Variants in TOR1AIP1 observed in about 807,000 individuals in gnomAD.
TOR1AIP1 encodes the protein torsin-1A-interacting protein 1.
In TOR1AIP1, 54 loss-of-function variants were observed where a neutral mutation model predicts 63.3. That is an observed-to-expected ratio of 0.85 (90% CI 0.69 to 1.07). TOR1AIP1 has a LOEUF of 1.07. Ranked by LOEUF, TOR1AIP1 falls within the 50% of genes least tolerant of loss-of-function variation. The probability of loss-of-function intolerance (pLI) is 0.00; values close to 1 mark genes in which losing one functional copy is unlikely to be tolerated. For missense variants in TOR1AIP1, 736 were observed against 715.0 expected, an observed-to-expected ratio of 1.03 and a Z score of -0.33; for synonymous variants, 294 against 273.5, an observed-to-expected ratio of 1.07 and a Z score of -0.74.
chr1:179,882,918 C>T lies in TOR1AIP1; in HGVS notation c.416C>T (p.Pro139Leu), dbSNP rs777161352. ...CAGCAGCAGCACTCAGAGCAGCCTC[C>T]GCTACAGCCGTCTCCTGTTATGACC... ...RLQQQHSEQP[P>L]LQPSPVMTRR... The change falls in exon 1 of 10, where the codon CCG becomes CTG. Residue 139 changes from proline (P) to leucine (L), a missense_variant. Physicochemically the swap from Pro to Leu is moderately conservative, Grantham distance 98. Coordinates refer to ENST00000606911, the MANE Select transcript of TOR1AIP1 (RefSeq NM_015602.4). 1.2e-6 allele frequency: 2 copies of T among 1,613,960 alleles called. No individual in the cohort carries two copies. Among genetic ancestry groups the T allele is most frequent in the East Asian group, 2.2e-5 (1 of 44,880 alleles).
intron 2 of TOR1AIP1, among the ~76,000 whole-genome samples, chr1:179,888,677 A>G (rs951047202): frequency 6.6e-6 from 1 of 150,596 alleles, no homozygotes; most frequent in African/African-American, 2.4e-5. Flanking sequence ...TTTGATAAAT[A>G]TTTGGTTTTA....
At chr1:179,883,851 C>G (rs1031348097) in intron 1 of TOR1AIP1, 18 of 325,862 alleles carry the variant, frequency 5.5e-5, no homozygotes, top group Admixed American at 4.0e-5. Flanking sequence ...GGACCTAACA[C>G]TGAGTCACAG....
chr1:179,905,267 C>T (rs1350881146), intron 6 of TOR1AIP1, among the ~76,000 whole-genome samples: 1 of 151,816 alleles, frequency 6.6e-6, no homozygotes, highest in African/African-American at 2.4e-5. Flanking sequence ...CCCAGCTACT[C>T]GGGAGGCTGA....
intron 3 of TOR1AIP1, among the ~76,000 whole-genome samples, chr1:179,899,153 T>C (rs1648371623): frequency 6.6e-6 from 1 of 152,228 alleles, no homozygotes; most frequent in Non-Finnish European, 1.5e-5. Flanking sequence ...GCTGAAATTT[T>C]CTCAGCTTTG....
At chr1:179,890,093 A>G (rs1648022837) in intron 3 of TOR1AIP1, among the ~76,000 whole-genome samples, 1 of 152,188 alleles carries the variant, frequency 6.6e-6, no homozygotes, top group Non-Finnish European at 1.5e-5. Flanking sequence ...AACTATGGTC[A>G]GGGACTTTAT....
intron 3 of TOR1AIP1, among the ~76,000 whole-genome samples, chr1:179,892,459 G>GTAAA (rs1205636403): frequency 4.7e-5 from 7 of 150,182 alleles, no homozygotes; most frequent in African/African-American, 1.7e-4. Context: ...GGCAAAAAGA[G>GTAAA]TAAAACTCTG....
chr1:179,884,791 T>G (rs570186785), intron 2 of TOR1AIP1, 22 bp downstream of exon 2: 1 of 1,565,520 alleles, frequency 6.4e-7, no homozygotes, highest in Admixed American at 1.9e-5. Context: ...TAACTTTTTG[T>G]TTTTCTCCTT....
At chr1:179,912,035 T>C (rs1436262463) in intron 8 of TOR1AIP1, among the ~76,000 whole-genome samples, 2 of 148,362 alleles carry the variant, frequency 1.3e-5, no homozygotes, top group Non-Finnish European at 3.0e-5. Flanking sequence ...TTTTCTTTTT[T>C]CTTTTTTTTG....
In TOR1AIP1 at chr1:179,892,582, C is replaced by CA. The variant is rs548595071; in HGVS notation, c.610+3219dup. The stretch of plus-strand genomic sequence containing the variant: ...GAAACCCCGTCTCTACTAAAAAGTA[C>CA]AAAAAATTAGCCGGGCATCGTGGCG... On this transcript the variant is annotated intron_variant, in intron 3 of 9. Coordinates refer to ENST00000606911, the MANE Select transcript of TOR1AIP1 (RefSeq NM_015602.4). 2.0e-3 allele frequency among the ~76,000 whole-genome samples: 296 copies of CA among 151,598 alleles called. 3 individuals are homozygous for CA. The highest frequency in any genetic ancestry group is 6.8e-3 in the Middle Eastern group (2 of 292).
chr1:179,911,965 T>A (rs1648848889), intron 8 of TOR1AIP1, among the ~76,000 whole-genome samples: 1 of 150,484 alleles, frequency 6.6e-6, no homozygotes, highest in Admixed American at 6.6e-5. Context: ...AGCTTGAGTT[T>A]TTTCTTTTTC....
intron 2 of TOR1AIP1, among the ~76,000 whole-genome samples, chr1:179,886,361 A>G (rs1480903662): frequency 6.6e-5 from 10 of 152,222 alleles, no homozygotes; most frequent in Non-Finnish European, 1.5e-5. Flanking sequence ...TATTAGGCTC[A>G]TATTTAAGAA....
At chr1:179,888,573 A>G (rs1043748904) in intron 2 of TOR1AIP1, among the ~76,000 whole-genome samples, 2 of 152,266 alleles carry the variant, frequency 1.3e-5, no homozygotes, top group African/African-American at 4.8e-5. Flanking sequence ...TAAGGGGATC[A>G]TCAAAGTTCC....
chr1:179,882,356 C>G lies in TOR1AIP1; in HGVS notation c.-147C>G, dbSNP rs1160147816. 1.3e-6 allele frequency: 1 copy of G among 756,212 alleles called. No individual in the cohort carries two copies. The highest frequency in any genetic ancestry group is 1.9e-6 in the Non-Finnish European group (1 of 518,720). 46.8% of individuals were successfully genotyped at this position (756,212 alleles called of 1,614,324 possible). ...GGTTTGCTACACAGCAGCGACGACG[C>G]AGGCGGCGGCCCCAGCGACTCGCAA... On this transcript the variant is annotated 5_prime_UTR_variant, in exon 1 of 10. Coordinates refer to ENST00000606911, the MANE Select transcript of TOR1AIP1 (RefSeq NM_015602.4).
intron 4 of TOR1AIP1, chr1:179,900,411 G>A (rs554933247): frequency 2.8e-4 from 78 of 278,472 alleles, no homozygotes; most frequent in South Asian, 3.2e-4. Flanking sequence ...GTGACCTCCC[G>A]GGAGCGGGGG....
chr1:179,901,819 A>G (rs1015611993), intron 5 of TOR1AIP1, among the ~76,000 whole-genome samples: 3 of 152,030 alleles, frequency 2.0e-5, no homozygotes, highest in Non-Finnish European at 2.9e-5. Flanking sequence ...GTTTATGTGA[A>G]TTTAAGTTTA....
chr1:179,902,303 G>T (rs1371998582), intron 5 of TOR1AIP1, among the ~76,000 whole-genome samples: 1 of 151,962 alleles, frequency 6.6e-6, no homozygotes, highest in African/African-American at 2.4e-5. Context: ...TGAGATTACA[G>T]GCCTGAGCCA....
rs907592735 is a variant in TOR1AIP1 at position 179,889,342 on chromosome 1, C to T, written c.583C>T (p.Arg195Ter). 4 of 1,606,742 alleles carry T rather than the reference C, an allele frequency of 2.5e-6. No homozygotes were observed. The highest frequency in any genetic ancestry group is 2.6e-6 in the Non-Finnish European group (3 of 1,174,924). Residue 195 changes from arginine to a stop codon, truncating the protein, a stop_gained, in exon 3 of 10, where the codon CGA (arginine) becomes TGA (stop). Transcript: ENST00000606911. LOFTEE classifies it high-confidence loss of function. Reference protein sequence around the residue: ...VSEDLVIRLRRPPLRYPRYEA... With the variant: ...VSEDLVIRLR ...TGAAGATCTTGTAATCAGGTTACGT[C>T]GACCCCCTCTAAGATACCCAAGATA...
At position 179,919,450 on chromosome 1, in the gene TOR1AIP1, G is replaced by A. The variant is rs772992203; in HGVS notation, c.*1211G>A. 4.6e-5 allele frequency: 7 copies of A among 152,108 alleles called. No homozygotes were observed. The highest frequency in any genetic ancestry group is 1.4e-4 in the African/African-American group (6 of 41,426). 9.4% of individuals were successfully genotyped at this position (152,108 alleles called of 1,614,324 possible). A position where few individuals can be genotyped will look rare whatever the true frequency, so the allele number is the denominator to read the frequency against. On this transcript the variant is annotated 3_prime_UTR_variant, in exon 10 of 10. Transcript: ENST00000606911. ...TGCAGTCCAAGTCCTCTAGTGCAAC[G>A]CCATAGCAAATATAAAGATTTACTA...
intron 3 of TOR1AIP1, among the ~76,000 whole-genome samples, chr1:179,897,272 G>A (rs191057249): frequency 6.6e-6 from 1 of 152,216 alleles, no homozygotes; most frequent in Non-Finnish European, 1.5e-5. Context: ...ATCAAATGGG[G>A]AGCTCCCTTA....
Sources: allele counts gnomAD v4.1 joint callset (sites outside exome capture counted in the v4.1 genomes callset), GRCh38; gene constraint gnomAD v4.1.1; transcripts MANE v1.5; gene names NCBI Gene and HGNC (gene_info 2026-07-23, HGNC 2026-07-21).